Variants in UBXN8 observed in about 807,000 individuals in gnomAD.
UBXN8 encodes UBX domain-containing protein 8.
Under a neutral mutation model 32.1 loss-of-function variants are expected in UBXN8, and 27 were observed. The observed-to-expected ratio is 0.84, with a 90% CI of 0.62 to 1.16. The LOEUF (loss-of-function observed/expected upper bound fraction) is 1.16. Among genes scored for constraint, UBXN8 ranks in the 50% most tolerant of loss-of-function variants. The probability of loss-of-function intolerance (pLI) is 0.00; values close to 1 mark genes in which losing one functional copy is unlikely to be tolerated. For missense variants in UBXN8, 306 were observed against 311.4 expected (o/e 0.98, Z 0.13); for synonymous variants, 109 against 111.8 (o/e 0.98, Z 0.16).
At position 30,760,420 on chromosome 8, in the gene UBXN8, C is replaced by CATATAT. The variant is rs1307823939; in HGVS notation, c.529-449_529-444dup. 2.2e-3 allele frequency among the ~76,000 whole-genome samples: 184 copies of CATATAT among 85,572 alleles called. 6 individuals carry two copies. The South Asian group carries it at 0.036, about 17-fold the overall frequency. 56.1% of individuals were successfully genotyped at this position (85,572 alleles called of 152,430 possible). A position where few individuals can be genotyped will look rare whatever the true frequency, so the allele number is the denominator to read the frequency against. On this transcript the variant is annotated intron_variant, in intron 5 of 7. Transcript: ENST00000265616. Reference sequence around the variant, plus strand: ...ATGTATGTGTATATGCATACACAATCATATATATATATATATATATATATT... The same window carrying CATATAT: ...ATGTATGTGTATATGCATACACAATCATATATATATATATATATATATATATATATT...
upstream of UBXN8, among the ~76,000 whole-genome samples, chr8:30,731,990 T>C (rs1804969108): frequency 6.6e-6 from 1 of 152,146 alleles, no homozygotes; most frequent in Non-Finnish European, 1.5e-5. Flanking sequence ...CTGGGGTTGC[T>C]GCCAGCTGAG....
At chr8:30,758,903 T>TTTTTTTTTTTTG (rs1563564679) in intron 5 of UBXN8, among the ~76,000 whole-genome samples, 14 of 143,412 alleles carry the variant, frequency 9.8e-5, no homozygotes, top group African/African-American at 3.4e-4. Flanking sequence ...TGTTTTTTTT[T>TTTTTTTTTTTTG]TTTTTTTTGA....
chr8:30,744,410 G>A (rs1805304078), intron 1 of UBXN8, 133 bp downstream of exon 1: 1 of 826,822 alleles, frequency 1.2e-6, no homozygotes, highest in Non-Finnish European at 1.9e-6. Flanking sequence ...CATCGCCCCT[G>A]CCCCCCCACT....
intron 1 of UBXN8, among the ~76,000 whole-genome samples, chr8:30,735,445 C>T (rs1294071605): frequency 6.6e-6 from 1 of 152,148 alleles, no homozygotes; most frequent in East Asian, 1.9e-4. Context: ...TAGTCCCACC[C>T]ACTCAGGAGG....
intron 6 of UBXN8, among the ~76,000 whole-genome samples, chr8:30,762,445 G>A (rs1412309963): frequency 6.6e-6 from 1 of 151,996 alleles, no homozygotes; most frequent in Non-Finnish European, 1.5e-5. Flanking sequence ...TCAAGCTGGA[G>A]TGCAATGGCA....
chr8:30,762,458 A>G (rs998247766), intron 6 of UBXN8, among the ~76,000 whole-genome samples: 9 of 152,034 alleles, frequency 5.9e-5, no homozygotes, highest in Non-Finnish European at 1.3e-4. Context: ...CAATGGCACA[A>G]TCTCGGCTCT....
At chr8:30,765,141 G>A (rs890123096) in intron 7 of UBXN8, among the ~76,000 whole-genome samples, 1 of 151,996 alleles carries the variant, frequency 6.6e-6, no homozygotes, top group African/African-American at 2.4e-5. Context: ...TTGAACTCCT[G>A]GGTTCAAATG....
upstream of UBXN8, among the ~76,000 whole-genome samples, chr8:30,743,804 CCGGG>C (rs1391773478): frequency 5.9e-5 from 9 of 152,226 alleles, no homozygotes; most frequent in Admixed American, 3.9e-4. Flanking sequence ...GGCCACAAGG[CCGGG>C]GGGCCCAGGC....
intron 6 of UBXN8, among the ~76,000 whole-genome samples, chr8:30,762,165 G>A (rs976569512): frequency 6.7e-6 from 1 of 150,174 alleles, no homozygotes; most frequent in Non-Finnish European, 1.5e-5. Flanking sequence ...TCAGGCTCAA[G>A]TGATCCTCCT....
chr8:30,744,859 G>A (rs1259490343), intron 1 of UBXN8, among the ~76,000 whole-genome samples: 2 of 152,224 alleles, frequency 1.3e-5, no homozygotes, highest in Non-Finnish European at 1.5e-5. Flanking sequence ...GAAGGCCATT[G>A]TGGCTGAATC....
chr8:30,745,949 C>CCA (rs1327027603), intron 1 of UBXN8, among the ~76,000 whole-genome samples: 12 of 152,164 alleles, frequency 7.9e-5, no homozygotes, highest in African/African-American at 2.9e-4. Context: ...TGTGGTTTTG[C>CCA]CATGTTGCCC....
At chr8:30,748,613 T>C (rs1011229520) in intron 1 of UBXN8, among the ~76,000 whole-genome samples, 3 of 152,122 alleles carry the variant, frequency 2.0e-5, no homozygotes, top group African/African-American at 7.2e-5. Context: ...TGATCTCTGC[T>C]CACTGCATCC....
intron 4 of UBXN8, chr8:30,756,397 G>A (rs1206235702): frequency 5.7e-5 from 11 of 192,184 alleles, no homozygotes; most frequent in East Asian, 1.2e-4. Context: ...TGCCCACCTC[G>A]GCGTTCCAAA....
chr8:30,751,413 T>C lies in UBXN8; in HGVS notation c.106T>C (p.Leu36=). 2.5e-6 allele frequency: 4 copies of C among 1,589,832 alleles called. No individual in the cohort carries two copies. The highest frequency in any genetic ancestry group is 3.4e-6 in the Non-Finnish European group (4 of 1,167,530). The change falls in exon 2 of 8, where the codon TTG becomes CTG. Residue 36 remains leucine (L), a synonymous_variant. Transcript: ENST00000265616. ...IPDIGIKDFL[L]LCGRILLLLA... ...TTTATCAGGAATCAAGGATTTTCTT[T>C]TGCTTTGTGGCCGGATTTTGCTACT...
intron 4 of UBXN8, among the ~76,000 whole-genome samples, chr8:30,755,509 T>C (rs1022000318): frequency 1.3e-5 from 2 of 152,014 alleles, no homozygotes; most frequent in African/African-American, 4.8e-5. Flanking sequence ...TCCCAGCAAT[T>C]TGGAAGGATG....
At chr8:30,758,900 T>TTG (rs1563564670) in intron 5 of UBXN8, among the ~76,000 whole-genome samples, 20 of 122,020 alleles carry the variant, frequency 1.6e-4, no homozygotes, top group South Asian at 8.0e-4. Flanking sequence ...TTTTGTTTTT[T>TTG]TTTTTTTTTT....
At chr8:30,764,381 G>T (rs1425478200) in intron 7 of UBXN8, among the ~76,000 whole-genome samples, 1 of 152,160 alleles carries the variant, frequency 6.6e-6, no homozygotes, top group Admixed American at 6.5e-5. Context: ...TGTTGGCCAG[G>T]CTGGTCTCAA....
At chr8:30,765,962 A>G (rs1805992191) in intron 7 of UBXN8, among the ~76,000 whole-genome samples, 1 of 149,996 alleles carries the variant, frequency 6.7e-6, no homozygotes, top group Admixed American at 6.7e-5. Flanking sequence ...GTGAGCCGAG[A>G]TCATGCCATC....
At chr8:30,760,003 A>G (rs190595592) in intron 5 of UBXN8, among the ~76,000 whole-genome samples, 1 of 142,878 alleles carries the variant, frequency 7.0e-6, no homozygotes, top group Non-Finnish European at 1.6e-5. Flanking sequence ...AAAATAAAAT[A>G]AAATAAAATA....
Sources: allele counts gnomAD v4.1 joint callset (sites outside exome capture counted in the v4.1 genomes callset), GRCh38; gene constraint gnomAD v4.1.1; transcripts MANE v1.5; gene names NCBI Gene and HGNC (gene_info 2026-07-23, HGNC 2026-07-21).